Variants in ZNF148 observed in about 807,000 individuals in gnomAD.
ZNF148 encodes the protein Beta-Enolase Repressor Factor-1.
ZNF148 carries 7 observed loss-of-function variants against 67.7 expected under a neutral mutation model. That is an observed-to-expected ratio of 0.10 (90% CI 0.06 to 0.19). ZNF148 has a LOEUF of 0.19. Ranked by LOEUF, ZNF148 falls within the 10% of genes least tolerant of loss-of-function variation. ZNF148 has a pLI of 1.00. For synonymous variants in ZNF148, 333 were observed against 330.7 expected, an observed-to-expected ratio of 1.01 and a Z score of -0.08; for missense variants, 583 against 947.1, an observed-to-expected ratio of 0.62 and a Z score of 5.05.
intron 6 of ZNF148, among the ~76,000 whole-genome samples, 177 bp downstream of exon 6, chr3:125,278,947 T>C (rs1028805982): frequency 1.3e-5 from 2 of 152,184 alleles, no homozygotes; most frequent in South Asian, 2.1e-4. Flanking sequence ...TCCATGCTAA[T>C]TGTTTTCTCA....
At chr3:125,272,168 C>CA (rs1186196431) in intron 7 of ZNF148, among the ~76,000 whole-genome samples, 2 of 152,138 alleles carry the variant, frequency 1.3e-5, no homozygotes, top group Admixed American at 6.6e-5. Context: ...ATGAAGACAC[C>CA]AATCTGAATT....
intron 5 of ZNF148, among the ~76,000 whole-genome samples, chr3:125,283,280 T>C (rs1938486494): frequency 6.6e-6 from 1 of 152,176 alleles, no homozygotes; most frequent in Non-Finnish European, 1.5e-5. Context: ...AGATTTTTTA[T>C]TGTTTCTCAG....
intron 1 of ZNF148, chr3:125,338,694 T>A (rs1369717394): frequency 7.9e-6 from 1 of 126,986 alleles, no homozygotes; most frequent in Non-Finnish European, 1.7e-5. Flanking sequence ...CTATCACAAG[T>A]CAAAAATAAC....
chr3:125,281,549 G>A (rs1938387148), intron 5 of ZNF148, among the ~76,000 whole-genome samples: 1 of 152,118 alleles, frequency 6.6e-6, no homozygotes, highest in Admixed American at 6.5e-5. Context: ...TGCAAGGAAA[G>A]GCTTTGTAAA....
At chr3:125,353,138 AC>A (rs1163065907) in intron 1 of ZNF148, among the ~76,000 whole-genome samples, 1 of 152,220 alleles carries the variant, frequency 6.6e-6, no homozygotes, top group Non-Finnish European at 1.5e-5. Flanking sequence ...ATAACAAAAT[AC>A]TGCAACATAC....
At chr3:125,364,698 C>A (rs1942650228) in intron 1 of ZNF148, among the ~76,000 whole-genome samples, 1 of 152,182 alleles carries the variant, frequency 6.6e-6, no homozygotes, top group Admixed American at 6.5e-5. Flanking sequence ...GCACATGAGG[C>A]ATCCTTCTGG....
intron 7 of ZNF148, among the ~76,000 whole-genome samples, chr3:125,240,955 A>AT (rs1936326270): frequency 6.6e-6 from 1 of 152,066 alleles, no homozygotes; most frequent in South Asian, 2.1e-4. Flanking sequence ...GTCATTTATT[A>AT]TTTTTTGATT....
Position 125,228,019 on chromosome 3 carries a change from C to G in ZNF148, c.*4322G>C, listed in dbSNP as rs551101188. On this transcript the variant is annotated 3_prime_UTR_variant, in exon 9 of 9. Transcript: ENST00000360647. ...AAATTCATCTGATCAGCTGAGAAAC[C>G]AAGCTTGAAAAATAAGTATCTAAAA... 2 of 152,536 alleles carry G rather than the reference C, an allele frequency of 1.3e-5. No homozygotes were observed. Among genetic ancestry groups the G allele is most frequent in the South Asian group, 4.2e-4 (2 of 4,812 alleles). 9.4% of individuals were successfully genotyped at this position (152,536 alleles called of 1,614,324 possible).
chr3:125,291,576 AC>A (rs1437218483), intron 4 of ZNF148, among the ~76,000 whole-genome samples: 1 of 151,916 alleles, frequency 6.6e-6, no homozygotes, highest in Non-Finnish European at 1.5e-5. Context: ...TTCCATTCCC[AC>A]CCATTTTCAT....
At chr3:125,267,394 CG>C (rs1682034498) in intron 7 of ZNF148, among the ~76,000 whole-genome samples, 3 of 151,958 alleles carry the variant, frequency 2.0e-5, no homozygotes, top group Admixed American at 2.0e-4. Flanking sequence ...GCTTTATTCC[CG>C]GGATGCAATG....
chr3:125,254,876 T>G (rs1174293063), intron 7 of ZNF148, among the ~76,000 whole-genome samples: 9 of 152,212 alleles, frequency 5.9e-5, no homozygotes, highest in Admixed American at 3.9e-4. Flanking sequence ...TTTATTTGTT[T>G]TCTGTTTGTC....
At chr3:125,357,041 A>T (rs1942366651) in intron 1 of ZNF148, 1 of 152,396 alleles carries the variant, frequency 6.6e-6, no homozygotes, top group Non-Finnish European at 1.5e-5. Flanking sequence ...AAGAGGAATA[A>T]GAAGAAAAAC....
intron 7 of ZNF148, 117 bp from the exon 8 acceptor site, chr3:125,234,446 T>C: frequency 4.2e-6 from 3 of 714,700 alleles, no homozygotes; most frequent in South Asian, 2.0e-5. Context: ...CAATTTCATT[T>C]GTCAAATATA....
At chr3:125,323,260 T>G in intron 3 of ZNF148, 49 bp downstream of exon 3, 1 of 498,066 alleles carries the variant, frequency 2.0e-6, no homozygotes, top group Non-Finnish European at 3.5e-6. Flanking sequence ...ACTTCATATT[T>G]GAAAAAACTT....
chr3:125,233,415 G>A lies in ZNF148; in HGVS notation c.1311C>T (p.Asp437=), dbSNP rs1935942997. Residue 437 remains aspartate (D), a synonymous_variant, in exon 9 of 9, where the codon GAC becomes GAT. Coordinates refer to ENST00000360647, the MANE Select transcript of ZNF148 (RefSeq NM_021964.3). This position sits in a 1 kb window ranked among gnomAD's most constrained non-coding sequence, Gnocchi z 5.1. ...GATCAATGTCAGCATTGCCTTCTGAGTCCAGTAAAGCCTGTTTATCCACAA... is the reference window on the plus strand; with the variant it reads ...GATCAATGTCAGCATTGCCTTCTGAATCCAGTAAAGCCTGTTTATCCACAA... ...FELVDKQALL[D]SEGNADIDQV... 1.2e-6 allele frequency: 2 copies of A among 1,613,792 alleles called. No homozygotes were observed. The highest frequency in any genetic ancestry group is 1.7e-5 in the Admixed American group (1 of 59,928).
intron 1 of ZNF148, among the ~76,000 whole-genome samples, chr3:125,340,574 G>C (rs1335805571): frequency 1.3e-5 from 2 of 152,154 alleles, no homozygotes; most frequent in Non-Finnish European, 2.9e-5. Context: ...AGCTCCAGTA[G>C]GATCAAACAA....
At chr3:125,344,606 T>G (rs956418224) in intron 1 of ZNF148, 3 of 783,236 alleles carry the variant, frequency 3.8e-6, no homozygotes, top group Non-Finnish European at 6.9e-6. Flanking sequence ...TTTAATCCTG[T>G]CATAGATGTA....
At chr3:125,370,227 T>G (rs1942835251) in intron 1 of ZNF148, among the ~76,000 whole-genome samples, 1 of 152,170 alleles carries the variant, frequency 6.6e-6, no homozygotes, top group Non-Finnish European at 1.5e-5. Flanking sequence ...ACAGAACCAC[T>G]GCAATTCCAT....
intron 7 of ZNF148, among the ~76,000 whole-genome samples, chr3:125,260,657 CAG>C (rs1937295223): frequency 6.6e-6 from 1 of 152,130 alleles, no homozygotes; most frequent in Non-Finnish European, 1.5e-5. Context: ...TGGGGAGTGA[CAG>C]AACTAGTCTG....
Sources: gnomAD v4.1 joint callset for allele counts (sites outside exome capture counted in the v4.1 genomes callset) on GRCh38, gnomAD v4.1.1 for gene constraint, Gnocchi (gnomAD v3.1) non-coding constraint, MANE v1.5 for transcripts, NCBI Gene and HGNC (gene_info 2026-07-23, HGNC 2026-07-21) for gene names.